The following ULK1 variants were observed in gnomAD, a reference collection of about 807,000 sequenced individuals.
ULK1 encodes unc-51 like autophagy activating kinase 1, also known as serine/threonine-protein kinase ULK1.
ULK1 carries 48 observed loss-of-function variants against 117.5 expected under a neutral mutation model. The observed-to-expected ratio is 0.41, with a 90% CI of 0.32 to 0.52. ULK1 has a LOEUF of 0.52. ULK1 is among the 20% of genes least tolerant of loss of function. The pLI is 0.29. For missense variants in ULK1, 1,387 were observed against 1,473.4 expected (o/e 0.94, Z 0.96); for synonymous variants, 790 against 637.8 (o/e 1.24, Z -3.60).
In ULK1 at chr12:131,910,700, T is replaced by C. The variant is rs1302964439; in HGVS notation, c.860-12T>C. On this transcript the variant is annotated splice_polypyrimidine_tract_variant and intron_variant, in intron 11 of 27. Coordinates refer to ENST00000321867, the MANE Select transcript of ULK1 (RefSeq NM_003565.4). ...AGGATGGCCCAGACTGACCTATGCA[T>C]GTTTATCTCAGCCCCACCCGTGCCT... The C allele has an allele frequency of 6.2e-7, 1 of 1,612,876 alleles. No homozygotes were observed. The highest frequency in any genetic ancestry group is 8.5e-7 in the Non-Finnish European group (1 of 1,179,878).
intron 18 of ULK1, 76 bp from the exon 19 acceptor site, chr12:131,915,815 G>A: frequency 1.3e-6 from 2 of 1,580,628 alleles, no homozygotes; most frequent in Non-Finnish European, 1.7e-6. Context: ...ACCCCAAGGG[G>A]CTCCGTGTGG....
intron 25 of ULK1, 190 bp from the exon 26 acceptor site, chr12:131,919,789 C>T: frequency 1.9e-6 from 2 of 1,039,350 alleles, no homozygotes; most frequent in Non-Finnish European, 2.8e-6. Context: ...ATGCAGAGCA[C>T]AGAGGCCGTG....
rs762638363 is a variant in ULK1, at chr12:131,921,765, G to A, written c.*404G>A. 10 of 527,190 alleles carry A rather than the reference G, an allele frequency of 1.9e-5. No individual in the cohort carries two copies. The highest frequency in any genetic ancestry group is 2.9e-5 in the Non-Finnish European group (8 of 273,386). The allele number at this position is 527,190 out of a possible 1,614,324, so 32.7% of individuals were successfully genotyped here. A position where few individuals can be genotyped will look rare whatever the true frequency, so the allele number is the denominator to read the frequency against. On this transcript the variant is annotated 3_prime_UTR_variant, in exon 28 of 28. Coordinates refer to ENST00000321867, the MANE Select transcript of ULK1 (RefSeq NM_003565.4). ...GGCACTGTGCCCAGGAAGAGCCTGC[G>A]GCCTCGGCGTCCCCCAGTCTCCAGG...
At chr12:131,904,580 G>A (rs545894454) in intron 3 of ULK1, among the ~76,000 whole-genome samples, 2 of 152,346 alleles carry the variant, frequency 1.3e-5, no homozygotes, top group Admixed American at 1.3e-4. Flanking sequence ...TGGGTGAGTG[G>A]CTGGGGGATG....
rs545502947 is a variant in ULK1 at position 131,919,855 on chromosome 12, G to A, written c.2804-124G>A. The A allele has an allele frequency of 1.1e-4, 161 of 1,409,700 alleles. No homozygotes were observed. In the South Asian group the frequency reaches 1.3e-3, roughly 12 times the overall value. 87.3% of individuals were successfully genotyped at this position (1,409,700 alleles called of 1,614,324 possible). On this transcript the variant is annotated intron_variant, in intron 25 of 27. Coordinates refer to ENST00000321867, the MANE Select transcript of ULK1 (RefSeq NM_003565.4). ...AGCCTGGCCACACCCTCAAGGCCACGGGGAGCCAGGGCTGTGGCAGGGAGG... is the reference window on the plus strand; with the variant it reads ...AGCCTGGCCACACCCTCAAGGCCACAGGGAGCCAGGGCTGTGGCAGGGAGG...
rs775673813 is a variant in ULK1 at position 131,913,264 on chromosome 12, C to A, written c.1157+6C>A. 10 of 1,566,930 alleles carry A rather than the reference C, an allele frequency of 6.4e-6. No homozygotes were observed. Among genetic ancestry groups the A allele is most frequent in the Non-Finnish European group, 8.6e-6 (10 of 1,159,636 alleles). On this transcript the variant is annotated splice_donor_region_variant and intron_variant, in intron 14 of 27. Transcript: ENST00000321867. ...GACAGCCTGATGTGCAGTGGGTGAG[C>A]CCCCATCCCTTACCTCTGTATTTTA...
chr12:131,919,746 G>A, intron 25 of ULK1, 156 bp downstream of exon 25: 1 of 1,059,826 alleles, frequency 9.4e-7, no homozygotes, highest in Non-Finnish European at 1.4e-6. Flanking sequence ...GAGCACAGAG[G>A]CCATTGGGTC....
rs1483731477 is a variant in ULK1 at position 131,909,371 on chromosome 12, C to G, written c.666+134C>G. On this transcript the variant is annotated intron_variant, in intron 8 of 27. Transcript: ENST00000321867. ...GGGTCCTGGCTGGCGGGGCGGGCGT[C>G]CAGGGGTCCAGTGGGGAAGGGGCCT... 4 of 1,031,238 alleles carry G rather than the reference C, an allele frequency of 3.9e-6. No homozygotes were observed. In the African/African-American group the frequency reaches 6.6e-5, roughly 17 times the overall value. The allele number at this position is 1,031,238 out of a possible 1,614,324, so 63.9% of individuals were successfully genotyped here. A position where few individuals can be genotyped will look rare whatever the true frequency, so the allele number is the denominator to read the frequency against.
rs1437031207 is a variant in ULK1, at chr12:131,921,872, C to T, written c.*511C>T. The T allele has an allele frequency of 2.2e-6, 1 of 458,962 alleles. No homozygotes were observed. The allele number at this position is 458,962 out of a possible 1,614,324, so 28.4% of individuals were successfully genotyped here. On this transcript the variant is annotated 3_prime_UTR_variant, in exon 28 of 28. Transcript: ENST00000321867. ...ATATAGAGACAGAACCTGGACCTCACCAGGGACTGCTGGGCAGCGATTCCT... is the reference window on the plus strand; with the variant it reads ...ATATAGAGACAGAACCTGGACCTCATCAGGGACTGCTGGGCAGCGATTCCT...
At chr12:131,900,894 C>T (rs10902471) in intron 3 of ULK1, among the ~76,000 whole-genome samples, 28,354 of 151,934 alleles carry the variant, frequency 0.19, 4,971 homozygotes, top group African/African-American at 0.47. Flanking sequence ...CTGGTCTGGC[C>T]GGGGGGCTGT....
In ULK1 at chr12:131,921,766, G is replaced by A; in HGVS notation, c.*405G>A. The stretch of plus-strand genomic sequence containing the variant: ...GCACTGTGCCCAGGAAGAGCCTGCG[G>A]CCTCGGCGTCCCCCAGTCTCCAGGA... On this transcript the variant is annotated 3_prime_UTR_variant, in exon 28 of 28. Transcript: ENST00000321867. 1 of 526,336 alleles carries A rather than the reference G, an allele frequency of 1.9e-6. No individual in the cohort carries two copies. Among genetic ancestry groups the A allele is most frequent in the African/African-American group, 1.9e-5 (1 of 52,968 alleles). 32.6% of individuals were successfully genotyped at this position (526,336 alleles called of 1,614,324 possible).
chr12:131,920,319 T>A lies in ULK1; in HGVS notation c.2961+183T>A. The A allele has an allele frequency of 2.7e-6, 2 of 750,520 alleles. 1 individual carries two copies. Among genetic ancestry groups the A allele is most frequent in the South Asian group, 3.8e-5 (2 of 52,848 alleles). The allele number at this position is 750,520 out of a possible 1,614,324, so 46.5% of individuals were successfully genotyped here. On this transcript the variant is annotated intron_variant, in intron 26 of 27. Coordinates refer to ENST00000321867, the MANE Select transcript of ULK1 (RefSeq NM_003565.4). ...TGCAGGCGCTCGCAGCTCGGCTGGG[T>A]GCATCCTTGATTGTACGGGTGCCGT...
chr12:131,896,338 G>A (rs1489864084), intron 3 of ULK1, among the ~76,000 whole-genome samples: 3 of 152,184 alleles, frequency 2.0e-5, no homozygotes, highest in Non-Finnish European at 2.9e-5. Context: ...CCTCGGGCCC[G>A]GCTGGCCCCA....
chr12:131,898,244 G>A (rs1049198535), intron 3 of ULK1: 1 of 152,236 alleles, frequency 6.6e-6, no homozygotes, highest in African/African-American at 2.4e-5. Flanking sequence ...CTGTAGGTGG[G>A]ACATGAGGTT....
Position 131,918,570 on chromosome 12 carries a change from T to C in ULK1, c.2400T>C (p.Pro800=). ...VPGPCSEAPA[P]ELPAPGHGCS... is the part of the protein sequence containing the mutation. ...GGCCCTGCAGCGAGGCCCCAGCCCC[T>C]GAGCTCCCTGCTCCAGGACACGGCT... Residue 800 remains proline (P), a synonymous_variant, in exon 23 of 28, where the codon CCT becomes CCC. Coordinates refer to ENST00000321867, the MANE Select transcript of ULK1 (RefSeq NM_003565.4). The C allele has an allele frequency of 1.9e-6, 3 of 1,611,280 alleles. No homozygotes were observed. Among genetic ancestry groups the C allele is most frequent in the Non-Finnish European group, 2.5e-6 (3 of 1,179,332 alleles).
In ULK1 at chr12:131,922,728, C is replaced by G. The variant is rs139446989; in HGVS notation, c.*1367C>G. The G allele has an allele frequency of 6.6e-6, 1 of 152,484 alleles. No homozygotes were observed. The highest frequency in any genetic ancestry group is 2.4e-5 in the African/African-American group (1 of 41,466). 9.4% of individuals were successfully genotyped at this position (152,484 alleles called of 1,614,324 possible). A position where few individuals can be genotyped will look rare whatever the true frequency, so the allele number is the denominator to read the frequency against. ...CCATGCGGGGGGTTCCAGGGTCACA[C>G]GCCACATAACAGACAAAAATACACA... On this transcript the variant is annotated 3_prime_UTR_variant, in exon 28 of 28. Coordinates refer to ENST00000321867, the MANE Select transcript of ULK1 (RefSeq NM_003565.4).
intron 16 of ULK1, 91 bp from the exon 17 acceptor site, chr12:131,914,992 C>G: frequency 6.7e-7 from 1 of 1,486,686 alleles, no homozygotes; most frequent in African/African-American, 1.4e-5. Context: ...GCCTCCCCTC[C>G]TAATACCTGC....
intron 3 of ULK1, among the ~76,000 whole-genome samples, chr12:131,906,090 TG>T (rs1889261327): frequency 1.3e-5 from 2 of 151,424 alleles, no homozygotes; most frequent in Non-Finnish European, 2.9e-5. Flanking sequence ...ACCTGCAATC[TG>T]TTGGCGTCTT....
intron 23 of ULK1, 46 bp from the exon 24 acceptor site, chr12:131,919,166 T>C: frequency 6.4e-7 from 1 of 1,551,850 alleles, no homozygotes; most frequent in Non-Finnish European, 8.7e-7. Context: ...ACAAGCCCCT[T>C]CCAAGCCCGG....
Sources: allele counts gnomAD v4.1 joint callset (sites outside exome capture counted in the v4.1 genomes callset), GRCh38; gene constraint gnomAD v4.1.1; transcripts MANE v1.5; gene names NCBI Gene and HGNC (gene_info 2026-07-23, HGNC 2026-07-21).